The following CRTC1 variants were observed in gnomAD, a reference collection of about 807,000 sequenced individuals.
The protein encoded by CRTC1 is CREB-regulated transcription coactivator 1.
Under a neutral mutation model 66.1 loss-of-function variants are expected in CRTC1, and 18 were observed. That is an observed-to-expected ratio of 0.27 (90% CI 0.19 to 0.40). The LOEUF (loss-of-function observed/expected upper bound fraction) is 0.40. Among genes scored for constraint, CRTC1 ranks in the 10% least tolerant of loss-of-function variants. The pLI is 1.00. For missense variants in CRTC1, 669 were observed against 887.9 expected, an observed-to-expected ratio of 0.75 and a Z score of 3.13; for synonymous variants, 416 against 398.8, an observed-to-expected ratio of 1.04 and a Z score of -0.51.
At chr19:18,750,046 A>T (rs747076761) in intron 5 of CRTC1, among the ~76,000 whole-genome samples, 171 bp downstream of exon 5, 1 of 152,096 alleles carries the variant, frequency 6.6e-6, no homozygotes, top group Non-Finnish European at 1.5e-5. Context: ...GGTGCTACTT[A>T]AGTTGGATTT....
At chr19:18,726,752 C>T (rs577349169) in intron 1 of CRTC1, among the ~76,000 whole-genome samples, 4 of 151,870 alleles carry the variant, frequency 2.6e-5, no homozygotes, top group Non-Finnish European at 5.9e-5. Flanking sequence ...ATGGTGAAAC[C>T]CTGTCTTTAC....
chr19:18,727,413 C>T (rs1429290108), intron 1 of CRTC1, among the ~76,000 whole-genome samples: 2 of 151,526 alleles, frequency 1.3e-5, no homozygotes, highest in Non-Finnish European at 2.9e-5. Context: ...AACCCTATCT[C>T]TACTAAAAAT....
rs1297419959 is a variant in CRTC1, at chr19:18,778,775, CGAG to C, written c.*1396_*1398del. 1 of 230,990 alleles carries C rather than the reference CGAG, an allele frequency of 4.3e-6. No homozygotes were observed. The highest frequency in any genetic ancestry group is 1.3e-3 in the Middle Eastern group (1 of 798). 14.3% of individuals were successfully genotyped at this position (230,990 alleles called of 1,614,324 possible). Reference sequence around the variant, plus strand: ...TGGCAGGGAGCGAGGGTCCCCGAGACGAGGACCACGGTCCTCCCTGAGAACCTG... The same window carrying C: ...TGGCAGGGAGCGAGGGTCCCCGAGACGACCACGGTCCTCCCTGAGAACCTG... On this transcript the variant is annotated 3_prime_UTR_variant, in exon 14 of 14. Transcript: ENST00000321949.
intron 11 of CRTC1, among the ~76,000 whole-genome samples, chr19:18,772,054 A>G (rs2054881739): frequency 6.6e-6 from 1 of 152,134 alleles, no homozygotes; most frequent in Admixed American, 6.5e-5. Context: ...GCCGCTCTGC[A>G]GTGTCTCAGG....
At chr19:18,761,980 C>T (rs909052148) in intron 8 of CRTC1, among the ~76,000 whole-genome samples, 4 of 152,144 alleles carry the variant, frequency 2.6e-5, no homozygotes, top group Admixed American at 2.0e-4. Context: ...AAAACACAGC[C>T]GATTCGGAGG....
At chr19:18,726,555 A>G (rs2053757155) in intron 1 of CRTC1, among the ~76,000 whole-genome samples, 1 of 152,128 alleles carries the variant, frequency 6.6e-6, no homozygotes, top group Non-Finnish European at 1.5e-5. Flanking sequence ...GGAAATAGGG[A>G]TTTTACAGAT....
rs564024044 is a variant in CRTC1 at position 18,727,582 on chromosome 19, A to G, written c.127-15328A>G. Among the ~76,000 whole-genome samples the G allele has an allele frequency of 5.9e-4, 84 of 142,174 alleles. 1 individual carries two copies. Among genetic ancestry groups the G allele is most frequent in the Middle Eastern group, 3.5e-3 (1 of 286 alleles). The allele number at this position is 142,174 out of a possible 152,430, so 93.3% of individuals were successfully genotyped here. ...GGTGACAGAGCAAGACTCTGTCTCA[A>G]AAAAAAAAAAAAAAAGAAGAAGAAA... On this transcript the variant is annotated intron_variant, in intron 1 of 13. Transcript: ENST00000321949.
At chr19:18,743,170 G>A (rs543156292) in intron 2 of CRTC1, 144 bp downstream of exon 2, 26 of 699,528 alleles carry the variant, frequency 3.7e-5, no homozygotes, top group South Asian at 1.2e-4. Flanking sequence ...TCTGCCCTGG[G>A]AACCAGAGGA....
intron 1 of CRTC1, among the ~76,000 whole-genome samples, chr19:18,721,601 C>G (rs1000420093): frequency 3.3e-5 from 5 of 151,014 alleles, no homozygotes; most frequent in Admixed American, 6.6e-5. Flanking sequence ...GTCAAGCGAT[C>G]CTCCCACCTC....
At chr19:18,730,632 C>A (rs969659029) in intron 1 of CRTC1, among the ~76,000 whole-genome samples, 1 of 152,156 alleles carries the variant, frequency 6.6e-6, no homozygotes, top group Non-Finnish European at 1.5e-5. Flanking sequence ...CCTCCACTCC[C>A]ACCCCTGCAG....
At chr19:18,758,796 C>G (rs529873177) in intron 6 of CRTC1, among the ~76,000 whole-genome samples, 1 of 152,220 alleles carries the variant, frequency 6.6e-6, no homozygotes, top group Non-Finnish European at 1.5e-5. Context: ...GGGCTTGATT[C>G]ACTCCCTGGA....
At chr19:18,775,296 G>C (rs2054961988) in intron 12 of CRTC1, among the ~76,000 whole-genome samples, 1 of 152,262 alleles carries the variant, frequency 6.6e-6, no homozygotes, top group Non-Finnish European at 1.5e-5. Context: ...CGTGGCTGTG[G>C]ACGCGGCGCC....
intron 1 of CRTC1, among the ~76,000 whole-genome samples, chr19:18,705,269 T>C (rs1231963477): frequency 3.3e-5 from 5 of 152,182 alleles, no homozygotes; most frequent in African/African-American, 9.7e-5. Context: ...TCCCTACTCA[T>C]AATTTTTTTG....
chr19:18,688,565 A>G (rs2052746067), intron 1 of CRTC1, among the ~76,000 whole-genome samples: 1 of 151,928 alleles, frequency 6.6e-6, no homozygotes, highest in Non-Finnish European at 1.5e-5. Context: ...CAGCCTCCCA[A>G]GTAGCTGGAA....
Position 18,743,004 on chromosome 19 carries a change from G to A in CRTC1, c.221G>A (p.Gly74Asp). 1 of 1,612,804 alleles carries A rather than the reference G, an allele frequency of 6.2e-7. No homozygotes were observed. The highest frequency in any genetic ancestry group is 8.5e-7 in the Non-Finnish European group (1 of 1,179,654). Residue 74 changes from glycine (G) to aspartate (D), a missense_variant, in exon 2 of 14, where the codon GGC becomes GAC. Coordinates refer to ENST00000321949, the MANE Select transcript of CRTC1 (RefSeq NM_015321.3). ...CCCAACGTGAACCAGATCGGGAGTG[G>A]CACCATGGACCTGCCCTTCCAGGTG... ...SLPNVNQIGS[G>D]TMDLPFQTPF...
At chr19:18,756,379 G>A (rs546014724) in intron 6 of CRTC1, among the ~76,000 whole-genome samples, 1 of 150,896 alleles carries the variant, frequency 6.6e-6, no homozygotes, top group African/African-American at 2.4e-5. Flanking sequence ...GGACACAGTG[G>A]CTCGTGCCTG....
In CRTC1 at chr19:18,771,471, C is replaced by CAGTACG; in HGVS notation, c.1350_1351insAGTACG (p.Ser450_Ala451insSerThr). 6.2e-7 allele frequency: 1 copy of CAGTACG among 1,613,604 alleles called. No homozygotes were observed. ...CGGCTCTGCAGCAGTACCGCACTAG[C>CAGTACG]GCCGGCTCCCCGGCCAACCAGTCTC... On this transcript the variant is annotated inframe_insertion, in exon 11 of 14. Transcript: ENST00000321949. This position sits in a 1 kb window ranked among gnomAD's most constrained non-coding sequence, Gnocchi z 4.6.
At chr19:18,709,822 C>T (rs928184787) in intron 1 of CRTC1, among the ~76,000 whole-genome samples, 1 of 152,168 alleles carries the variant, frequency 6.6e-6, no homozygotes, top group African/African-American at 2.4e-5. Flanking sequence ...GCGTTCCCTG[C>T]CGTGGATGGG....
intron 9 of CRTC1, 112 bp downstream of exon 9, chr19:18,765,640 A>T (rs1268213720): frequency 2.9e-6 from 3 of 1,036,506 alleles, no homozygotes; most frequent in Non-Finnish European, 4.1e-6. Flanking sequence ...AACCTTGAGA[A>T]TGCTCCCAAC....
Sources: gnomAD v4.1 joint callset for allele counts (sites outside exome capture counted in the v4.1 genomes callset) on GRCh38, gnomAD v4.1.1 for gene constraint, Gnocchi (gnomAD v3.1) non-coding constraint, MANE v1.5 for transcripts, NCBI Gene and HGNC (gene_info 2026-07-23, HGNC 2026-07-21) for gene names.